ATXN3: variants seen among roughly 807,000 people sequenced by gnomAD.
ATXN3 encodes ataxin-3.
Under a neutral mutation model 58.2 loss-of-function variants are expected in ATXN3, and 28 were observed. The observed-to-expected ratio is 0.48, with a 90% CI of 0.36 to 0.66. ATXN3 has a LOEUF of 0.66. Ranked by LOEUF, ATXN3 falls within the 30% of genes least tolerant of loss-of-function variation. The pLI is 0.00. For synonymous variants in ATXN3, 113 were observed against 138.5 expected, an observed-to-expected ratio of 0.82 and a Z score of 1.29; for missense variants, 321 against 422.1, an observed-to-expected ratio of 0.76 and a Z score of 2.10.
rs139577236 is a variant in ATXN3 at position 92,070,951 on chromosome 14, T to G, written c.975A>C (p.Ala325=). The G allele has an allele frequency of 5.1e-6, 8 of 1,562,818 alleles. No homozygotes were observed. Among genetic ancestry groups the G allele is most frequent in the Non-Finnish European group, 6.9e-6 (8 of 1,156,224 alleles). ...AGGCCTTACCTAGATCACTCCCAAG[T>G]GCTCCTGAACTGGTGGCTGGCCTTT... ...PCERPATSSG[A]LGSDLGDAMS... The change falls in exon 10 of 11, where the codon GCA becomes GCC. Residue 325 remains alanine, a synonymous_variant. Coordinates refer to ENST00000644486, the MANE Select transcript of ATXN3 (RefSeq NM_004993.6).
intron 4 of ATXN3, 183 bp from the exon 5 acceptor site, chr14:92,093,501 C>T (rs2064387970): frequency 1.6e-6 from 1 of 618,952 alleles, no homozygotes; most frequent in South Asian, 2.1e-5. Context: ...GATGCTGTGC[C>T]ACAAGATGGC....
chr14:92,091,912 C>T (rs775738970), intron 5 of ATXN3, among the ~76,000 whole-genome samples: 20 of 151,618 alleles, frequency 1.3e-4, no homozygotes, highest in Middle Eastern at 6.8e-3. Context: ...CCAGGCTGGT[C>T]CTGAACTCCT....
intron 10 of ATXN3, among the ~76,000 whole-genome samples, chr14:92,069,687 A>G (rs974589622): frequency 6.6e-6 from 1 of 152,144 alleles, no homozygotes; most frequent in Admixed American, 6.5e-5. Flanking sequence ...TAAGCATTTG[A>G]TATAAGTTTT....
intron 9 of ATXN3, among the ~76,000 whole-genome samples, chr14:92,075,571 A>G (rs2060222411): frequency 6.6e-6 from 1 of 152,212 alleles, no homozygotes; most frequent in Non-Finnish European, 1.5e-5. Context: ...TATATTCAGT[A>G]TGAAGCTTCA....
chr14:92,069,022 A>G (rs1238523738), intron 10 of ATXN3, among the ~76,000 whole-genome samples: 1 of 152,068 alleles, frequency 6.6e-6, no homozygotes, highest in Non-Finnish European at 1.5e-5. Context: ...CATTAACTAA[A>G]TGAAGGTCTA....
At chr14:92,071,402 C>A (rs55855317) in intron 9 of ATXN3, among the ~76,000 whole-genome samples, 11 of 152,062 alleles carry the variant, frequency 7.2e-5, no homozygotes, top group African/African-American at 2.7e-4. Flanking sequence ...TTGACACGAG[C>A]CTGGACAACA....
At chr14:92,088,372 T>C (rs1366577757) in intron 6 of ATXN3, among the ~76,000 whole-genome samples, 1 of 152,164 alleles carries the variant, frequency 6.6e-6, no homozygotes, top group Non-Finnish European at 1.5e-5. Context: ...GCCCAGCCGT[T>C]AGGGGCATGT....
chr14:92,055,406 C>T (rs1324340515), downstream of ATXN3, among the ~76,000 whole-genome samples: 5 of 152,036 alleles, frequency 3.3e-5, no homozygotes, highest in Middle Eastern at 3.2e-3. This position sits in a 1 kb window ranked among gnomAD's most constrained non-coding sequence, Gnocchi z 4.5. Flanking sequence ...TACGGTTCAC[C>T]GGCATTAAGT....
chr14:92,089,498 C>T (rs898911284), intron 5 of ATXN3, among the ~76,000 whole-genome samples: 5 of 152,026 alleles, frequency 3.3e-5, no homozygotes, highest in African/African-American at 1.2e-4. Context: ...GCCGCCACAC[C>T]CAGCTATTTT....
intron 6 of ATXN3, among the ~76,000 whole-genome samples, chr14:92,085,487 C>A (rs1021212229): frequency 6.6e-6 from 1 of 150,798 alleles, no homozygotes; most frequent in Non-Finnish European, 1.5e-5. Context: ...CCAAGCCCGG[C>A]CTAAGACTTC....
intron 6 of ATXN3, 111 bp from the exon 7 acceptor site, chr14:92,083,369 C>A: frequency 9.3e-7 from 1 of 1,070,532 alleles, no homozygotes; most frequent in Admixed American, 2.6e-5. Flanking sequence ...AAAATACAAG[C>A]TGAGGATTCA....
intron 5 of ATXN3, among the ~76,000 whole-genome samples, chr14:92,092,024 T>C (rs2063947813): frequency 6.6e-6 from 1 of 152,070 alleles, no homozygotes; most frequent in East Asian, 1.9e-4. Context: ...TTGTATACTG[T>C]ACTCCCATGA....
chr14:92,048,770 T>C (rs780746849), intron 1 of ATXN3, among the ~76,000 whole-genome samples: 2 of 151,704 alleles, frequency 1.3e-5, no homozygotes, highest in Non-Finnish European at 2.9e-5. Flanking sequence ...GAGGAAGAAT[T>C]GGGACCTGGC....
At chr14:92,052,414 G>A (rs1325815846), upstream of ATXN3, among the ~76,000 whole-genome samples, 40 of 152,084 alleles carry the variant, frequency 2.6e-4, 1 homozygote, top group Admixed American at 2.6e-3. Flanking sequence ...CTTGAACCCA[G>A]GAGGCGGAGG....
At chr14:92,075,480 T>C (rs2060210675) in intron 9 of ATXN3, among the ~76,000 whole-genome samples, 1 of 152,216 alleles carries the variant, frequency 6.6e-6, no homozygotes, top group African/African-American at 2.4e-5. Flanking sequence ...ACTAGTTTTT[T>C]TAATGCATGA....
At chr14:92,106,499 G>T in intron 1 of ATXN3, 30 bp downstream of exon 1, 4 of 1,613,078 alleles carry the variant, frequency 2.5e-6, no homozygotes, top group Non-Finnish European at 3.4e-6. Context: ...CCGCGCGGCA[G>T]ACAGCTCCCC....
In ATXN3 at chr14:92,059,251, C is replaced by T. The variant is rs1194236703; in HGVS notation, c.*5069G>A. ...AAATCAAAATTCTAGAATTTACCAA[C>T]GATGTCAATAATCTTCACTCATGAA... On this transcript the variant is annotated 3_prime_UTR_variant, in exon 11 of 11. Transcript: ENST00000644486. The T allele has an allele frequency of 6.6e-6, 1 of 151,992 alleles. No individual in the cohort carries two copies. The highest frequency in any genetic ancestry group is 1.5e-5 in the Non-Finnish European group (1 of 68,006). The allele number at this position is 151,992 out of a possible 1,614,324, so 9.4% of individuals were successfully genotyped here. A position where few individuals can be genotyped will look rare whatever the true frequency, so the allele number is the denominator to read the frequency against.
chr14:92,093,212 A>C (rs369985856), intron 5 of ATXN3, 40 bp downstream of exon 5: 17 of 1,363,638 alleles, frequency 1.2e-5, no homozygotes, highest in Middle Eastern at 3.9e-4. Context: ...AATGGGGTAC[A>C]ATATAAGAAA....
intron 2 of ATXN3, chr14:92,047,858 G>A (rs906280918): frequency 6.6e-6 from 1 of 152,182 alleles, no homozygotes; most frequent in African/African-American, 2.4e-5. Context: ...ATGTGGAGTG[G>A]GTAGCTCCCA....
Sources: gnomAD v4.1 joint callset for allele counts (sites outside exome capture counted in the v4.1 genomes callset) on GRCh38, gnomAD v4.1.1 for gene constraint, Gnocchi (gnomAD v3.1) non-coding constraint, MANE v1.5 for transcripts, NCBI Gene and HGNC (gene_info 2026-07-23, HGNC 2026-07-21) for gene names.